The following TNRC6A variants were observed in gnomAD, a reference collection of about 807,000 sequenced individuals.
TNRC6A encodes the protein trinucleotide repeat-containing gene 6A protein.
In TNRC6A, 44 loss-of-function variants were observed where a neutral mutation model predicts 221.2. The ratio of observed to expected loss-of-function variants is 0.20; its 90% CI spans 0.16 to 0.26. The LOEUF is 0.26. TNRC6A is among the 10% of genes least tolerant of loss of function. The pLI is 1.00. For missense variants in TNRC6A, 2,199 were observed against 2,404.4 expected (o/e 0.91, Z 1.79); for synonymous variants, 847 against 838.5 (o/e 1.01, Z -0.18).
chr16:24,692,096 T>C (rs930415755), intron 2 of TNRC6A, among the ~76,000 whole-genome samples: 3 of 152,308 alleles, frequency 2.0e-5, no homozygotes, highest in Admixed American at 6.5e-5. Flanking sequence ...TTTTTGACCA[T>C]TGGGTCTCTA....
Position 24,822,877 on chromosome 16 carries a change from G to A in TNRC6A, c.5377G>A (p.Asp1793Asn). 1 of 1,613,442 alleles carries A rather than the reference G, an allele frequency of 6.2e-7. No homozygotes were observed. Among genetic ancestry groups the A allele is most frequent in the East Asian group, 2.2e-5 (1 of 44,876 alleles). Residue 1793 changes from aspartate (D) to asparagine (N), a missense_variant, in exon 24 of 25, where the codon GAT becomes AAT. Physicochemically the swap from Asp to Asn is conservative, Grantham distance 23. This residue lies in a region of TNRC6A where 27 missense variants were observed against 66.0 expected (regional missense o/e 0.41). Transcript: ENST00000395799. ...CAGTTTCCACACTGTTTCCTAGATC[G>A]ATGGCTCAACTCTGCGCACTCTGTG... ...LVLKNLTPQI[D>N]GSTLRTLCMQ...
At chr16:24,779,643 A>G (rs2057797365) in intron 5 of TNRC6A, among the ~76,000 whole-genome samples, 1 of 152,170 alleles carries the variant, frequency 6.6e-6, no homozygotes, top group South Asian at 2.1e-4. Flanking sequence ...TACAGAGTAG[A>G]TAGTATCATG....
chr16:24,735,074 G>C lies in TNRC6A; in HGVS notation c.53+4774G>C, dbSNP rs538346261. 1.2e-3 allele frequency among the ~76,000 whole-genome samples: 187 copies of C among 152,314 alleles called. 1 individual carries two copies. The highest frequency in any genetic ancestry group is 2.0e-3 in the Non-Finnish European group (136 of 68,032). ...AGGCACGTGGATCATTTGAGGTCAG[G>C]AATTCAAGACCAGCTTGGCCAACAT... On this transcript the variant is annotated intron_variant, in intron 2 of 24. Coordinates refer to ENST00000395799, the MANE Select transcript of TNRC6A (RefSeq NM_014494.4).
intron 2 of TNRC6A, among the ~76,000 whole-genome samples, chr16:24,731,849 A>G (rs986736595): frequency 1.3e-5 from 2 of 152,252 alleles, no homozygotes; most frequent in Admixed American, 1.3e-4. Context: ...GACTCTTGGC[A>G]AGTCACTTAG....
chr16:24,665,138 T>C (rs1383267388), intron 2 of TNRC6A: 1 of 371,384 alleles, frequency 2.7e-6, no homozygotes, highest in Non-Finnish European at 5.5e-6. Context: ...CGTGCAATCA[T>C]AGCTCACTGC....
rs1555495704 is a variant in TNRC6A, at chr16:24,729,710, G to GGCGGCGGCGGCGGCA, written c.-124_-123insGGCGGCAGCGGCGGC. 1.8e-6 allele frequency: 2 copies of GGCGGCGGCGGCGGCA among 1,092,984 alleles called. No homozygotes were observed. Among genetic ancestry groups the GGCGGCGGCGGCGGCA allele is most frequent in the Non-Finnish European group, 1.2e-6 (1 of 846,920 alleles). 67.7% of individuals were successfully genotyped at this position (1,092,984 alleles called of 1,614,324 possible). On this transcript the variant is annotated 5_prime_UTR_variant, in exon 1 of 25. Coordinates refer to ENST00000395799, the MANE Select transcript of TNRC6A (RefSeq NM_014494.4). The stretch of plus-strand genomic sequence containing the variant: ...CGGCGGCGGCGGCGGCGGCGGCGGC[G>GGCGGCGGCGGCGGCA]GCGGCGGCAGCGGGTCGGTGTAGAA...
intron 2 of TNRC6A, among the ~76,000 whole-genome samples, chr16:24,745,904 T>G (rs2056999580): frequency 1.3e-5 from 2 of 151,710 alleles, no homozygotes; most frequent in South Asian, 4.2e-4. Context: ...CACATTCACT[T>G]AGATTTTCGC....
chr16:24,645,489 CA>C (rs1296684321), intron 2 of TNRC6A, among the ~76,000 whole-genome samples: 8 of 133,080 alleles, frequency 6.0e-5, no homozygotes, highest in Admixed American at 7.6e-5. Context: ...GACCCTGTCT[CA>C]AAAAAAAAAC....
At chr16:24,619,258 T>C (rs546908901) in intron 1 of TNRC6A, among the ~76,000 whole-genome samples, 1 of 152,288 alleles carries the variant, frequency 6.6e-6, no homozygotes, top group Non-Finnish European at 1.5e-5. Flanking sequence ...CCTATTATCA[T>C]CGTGGGTCTC....
Position 24,825,850 on chromosome 16 carries a change from TTTC to T in TNRC6A, c.*2047_*2049del, listed in dbSNP as rs1372588567. ...AGAAACGCCACACCCGGACTGGCCT[TTTC>T]TTCCCCCTTCACGGCCCTCGCTTCT... is the stretch of plus-strand genomic sequence containing the variant. On this transcript the variant is annotated 3_prime_UTR_variant, in exon 25 of 25. Coordinates refer to ENST00000395799, the MANE Select transcript of TNRC6A (RefSeq NM_014494.4). 6.6e-6 allele frequency: 1 copy of T among 152,668 alleles called. No homozygotes were observed. The highest frequency in any genetic ancestry group is 6.5e-5 in the Admixed American group (1 of 15,290). 9.5% of individuals were successfully genotyped at this position (152,668 alleles called of 1,614,324 possible).
intron 19 of TNRC6A, 175 bp downstream of exon 19, chr16:24,815,480 G>A (rs746907396): frequency 4.2e-6 from 3 of 717,186 alleles, no homozygotes; most frequent in East Asian, 5.5e-5. Context: ...GGGCAAGTGA[G>A]TGTGTCAGCC....
At chr16:24,666,412 GC>G (rs1349965746) in intron 2 of TNRC6A, among the ~76,000 whole-genome samples, 1 of 148,748 alleles carries the variant, frequency 6.7e-6, no homozygotes, top group Non-Finnish European at 1.5e-5. Context: ...GGCAGAGCTT[GC>G]AGTGAGTCGA....
intron 5 of TNRC6A, among the ~76,000 whole-genome samples, chr16:24,786,306 GTTGTTGTTGTT>G (rs2057966487): frequency 7.0e-6 from 1 of 143,648 alleles, no homozygotes; most frequent in Non-Finnish European, 1.5e-5. Flanking sequence ...TTTTTTTGTT[GTTGTTGTTGTT>G]TTGTTTTGTT....
At chr16:24,747,794 A>G (rs912257996) in intron 2 of TNRC6A, among the ~76,000 whole-genome samples, 2 of 152,174 alleles carry the variant, frequency 1.3e-5, no homozygotes, top group African/African-American at 2.4e-5. Flanking sequence ...TGTCTGGTAC[A>G]TCTTTTAAGT....
At chr16:24,771,586 T>TATGTTTTATGTTATGTTATGTTGTG (rs1567449472) in intron 4 of TNRC6A, among the ~76,000 whole-genome samples, 27 of 123,158 alleles carry the variant, frequency 2.2e-4, no homozygotes, top group African/African-American at 8.4e-4. Flanking sequence ...GTTATGTTGT[T>TATGTTTTATGTTATGTTATGTTGTG]ATGTTATGTT....
chr16:24,651,688 C>T (rs113888512), intron 2 of TNRC6A, among the ~76,000 whole-genome samples: 10,147 of 150,704 alleles, frequency 0.067, 813 homozygotes, highest in African/African-American at 0.19. Context: ...GTGAGACACC[C>T]CCTCCCCCCG....
intron 2 of TNRC6A, among the ~76,000 whole-genome samples, chr16:24,699,734 A>G (rs1444083568): frequency 6.6e-6 from 1 of 152,014 alleles, no homozygotes; most frequent in East Asian, 1.9e-4. Flanking sequence ...AAAAAAAAAA[A>G]AAAAGCTTCT....
intron 4 of TNRC6A, among the ~76,000 whole-genome samples, chr16:24,761,824 G>A (rs1282103206): frequency 6.6e-6 from 1 of 152,150 alleles, no homozygotes; most frequent in Admixed American, 6.5e-5. Context: ...AGCCACCGCA[G>A]CTGGCTGACA....
chr16:24,728,080 A>G (rs1217414084), upstream of TNRC6A, among the ~76,000 whole-genome samples: 2 of 152,250 alleles, frequency 1.3e-5, no homozygotes, highest in Admixed American at 1.3e-4. Flanking sequence ...AGCTTAACCT[A>G]TCGGAGAGGA....
Sources: allele counts gnomAD v4.1 joint callset (sites outside exome capture counted in the v4.1 genomes callset), GRCh38; gene constraint gnomAD v4.1.1; regional missense constraint gnomAD v4.1.1; transcripts MANE v1.5; gene names NCBI Gene and HGNC (gene_info 2026-07-23, HGNC 2026-07-21).